Variants in MTUS2 observed in about 807,000 individuals in gnomAD.
MTUS2 encodes microtubule associated scaffold protein 2, also known as microtubule-associated tumor suppressor candidate 2.
In MTUS2, 40 loss-of-function variants were observed where a neutral mutation model predicts 114.1. The ratio of observed to expected loss-of-function variants is 0.35; its 90% CI spans 0.27 to 0.46. The LOEUF is 0.46. MTUS2 is among the 20% of genes least tolerant of loss of function. The pLI is 1.00. For missense variants in MTUS2, 1,679 were observed against 1,705.4 expected (o/e 0.98, Z 0.27); for synonymous variants, 688 against 672.0 (o/e 1.02, Z -0.37).
chr13:28,827,694 T>G (rs1320429422), intron 1 of MTUS2, among the ~76,000 whole-genome samples: 1 of 152,006 alleles, frequency 6.6e-6, no homozygotes, highest in Non-Finnish European at 1.5e-5. Flanking sequence ...AGAGAGAAAT[T>G]TTAGAGCTGG....
intron 1 of MTUS2, among the ~76,000 whole-genome samples, chr13:28,838,624 G>A (rs1008217393): frequency 6.6e-6 from 1 of 152,072 alleles, no homozygotes; most frequent in African/African-American, 2.4e-5. Context: ...GCTTGCTCTT[G>A]CCTGCTTTCC....
At chr13:29,032,261 T>G (rs923927142) in intron 3 of MTUS2, among the ~76,000 whole-genome samples, 6 of 152,226 alleles carry the variant, frequency 3.9e-5, no homozygotes, top group Non-Finnish European at 7.3e-5. Context: ...TTGAAGTTAC[T>G]GAAATCCTTA....
intron 2 of MTUS2, among the ~76,000 whole-genome samples, chr13:28,957,117 G>C (rs1278948646): frequency 2.6e-5 from 4 of 152,214 alleles, no homozygotes; most frequent in Non-Finnish European, 4.4e-5. Context: ...TGTACAAAGA[G>C]CTCTGGACGT....
chr13:29,480,430 G>C lies in MTUS2; in HGVS notation c.3399+66G>C, dbSNP rs889780604. The C allele has an allele frequency of 9.7e-6, 14 of 1,438,572 alleles. No individual in the cohort carries two copies. The East Asian group carries it at 3.5e-4, about 36-fold the overall frequency. 89.1% of individuals were successfully genotyped at this position (1,438,572 alleles called of 1,614,324 possible). On this transcript the variant is annotated intron_variant, in intron 10 of 15. Transcript: ENST00000612955. The surrounding 1 kb of genome is among the most constrained non-coding windows in gnomAD (Gnocchi z 4.4). ...GCAGGTGGCGGGCGGCGGGGATCCAGTGCCACATTAGCAAGAAGTCCTATT... is the reference window on the plus strand; with the variant it reads ...GCAGGTGGCGGGCGGCGGGGATCCACTGCCACATTAGCAAGAAGTCCTATT...
intron 5 of MTUS2, among the ~76,000 whole-genome samples, chr13:29,250,721 G>A (rs551202771): frequency 9.9e-5 from 15 of 152,182 alleles, no homozygotes; most frequent in Non-Finnish European, 1.3e-4. Flanking sequence ...ATAGCGATTA[G>A]TGTTGTCACA....
intron 1 of MTUS2, among the ~76,000 whole-genome samples, chr13:28,828,410 A>T (rs1419907283): frequency 6.6e-6 from 1 of 152,232 alleles, no homozygotes; most frequent in Non-Finnish European, 1.5e-5. Context: ...AGATGACAGG[A>T]TTAAGCAATT....
Position 29,014,945 on chromosome 13 carries a change from C to T in MTUS2, c.-242-9512C>T, listed in dbSNP as rs187926994. Among the ~76,000 whole-genome samples the T allele has an allele frequency of 6.6e-5, 10 of 152,344 alleles. No individual in the cohort carries two copies. The East Asian group carries it at 1.2e-3, about 18-fold the overall frequency. Reference sequence around the variant, plus strand: ...ATGCATTCTGCATGGACTCTTCTTCCTCCATAGAAAGGAACAAACCACTGA... The same window carrying T: ...ATGCATTCTGCATGGACTCTTCTTCTTCCATAGAAAGGAACAAACCACTGA... On this transcript the variant is annotated intron_variant, in intron 2 of 15. Coordinates refer to ENST00000612955, the MANE Select transcript of MTUS2 (RefSeq NM_001033602.4).
chr13:29,338,404 T>C (rs7328036), intron 7 of MTUS2, among the ~76,000 whole-genome samples: 40,952 of 150,452 alleles, frequency 0.27, 6,127 homozygotes, highest in African/African-American at 0.41. Flanking sequence ...CTGGGCAACA[T>C]GGTGAAACCC....
At chr13:29,225,453 C>A (rs1896070489) in intron 5 of MTUS2, among the ~76,000 whole-genome samples, 1 of 152,178 alleles carries the variant, frequency 6.6e-6, no homozygotes, top group African/African-American at 2.4e-5. Context: ...CATTTCAACC[C>A]CCTGCTTCTG....
At chr13:29,338,088 G>A (rs1030887695) in intron 7 of MTUS2, among the ~76,000 whole-genome samples, 3 of 151,738 alleles carry the variant, frequency 2.0e-5, no homozygotes, top group African/African-American at 7.3e-5. Context: ...CACTGTGCCT[G>A]GCCATGACCG....
intron 1 of MTUS2, among the ~76,000 whole-genome samples, chr13:28,830,662 A>G (rs1874605967): frequency 6.6e-6 from 1 of 152,168 alleles, no homozygotes; most frequent in Non-Finnish European, 1.5e-5. Context: ...TTTATGGGAC[A>G]CCATTATGAA....
chr13:29,431,415 C>T (rs190892670), intron 8 of MTUS2, among the ~76,000 whole-genome samples: 34 of 152,202 alleles, frequency 2.2e-4, no homozygotes, highest in African/African-American at 7.5e-4. Context: ...TGTAGTTTAC[C>T]GATAATTGGT....
At chr13:29,155,009 T>C (rs1892800813) in intron 5 of MTUS2, among the ~76,000 whole-genome samples, 1 of 152,242 alleles carries the variant, frequency 6.6e-6, no homozygotes, top group Admixed American at 6.5e-5. Context: ...TGGAGCCTAA[T>C]GCCATGAGAG....
chr13:28,881,758 A>G (rs1233997427), intron 2 of MTUS2, among the ~76,000 whole-genome samples: 1 of 152,108 alleles, frequency 6.6e-6, no homozygotes, highest in Non-Finnish European at 1.5e-5. Flanking sequence ...ATGTTTGTTT[A>G]CCACTTGTAT....
chr13:29,492,622 G>A (rs2138983773), intron 11 of MTUS2, 24 bp from the exon 12 acceptor site: 11 of 1,593,868 alleles, frequency 6.9e-6, no homozygotes, highest in Non-Finnish European at 9.5e-6. Flanking sequence ...AGACCAACTT[G>A]ACAATTTAAT....
chr13:29,467,836 C>T (rs1235873134), intron 9 of MTUS2, among the ~76,000 whole-genome samples: 5 of 152,168 alleles, frequency 3.3e-5, no homozygotes, highest in Admixed American at 6.5e-5. Context: ...AAAATGCGGC[C>T]AGGCGCAGTG....
intron 7 of MTUS2, among the ~76,000 whole-genome samples, chr13:29,350,197 T>A (rs1869106069): frequency 6.6e-6 from 1 of 152,060 alleles, no homozygotes; most frequent in Non-Finnish European, 1.5e-5. Context: ...AGAAGTGGCT[T>A]AACTTGAATT....
intron 8 of MTUS2, among the ~76,000 whole-genome samples, chr13:29,415,029 G>C (rs1171570788): frequency 6.6e-6 from 1 of 150,574 alleles, no homozygotes; most frequent in Non-Finnish European, 1.5e-5. Context: ...TTTAATTTCA[G>C]TTTGCATTTT....
chr13:28,946,309 G>GCA (rs1390526069), intron 2 of MTUS2, among the ~76,000 whole-genome samples: 11 of 146,346 alleles, frequency 7.5e-5, no homozygotes, highest in East Asian at 4.0e-4. Flanking sequence ...GTGTGTGCGC[G>GCA]CGCACATACC....
Sources: gnomAD v4.1 joint callset for allele counts (sites outside exome capture counted in the v4.1 genomes callset) on GRCh38, gnomAD v4.1.1 for gene constraint, Gnocchi (gnomAD v3.1) non-coding constraint, MANE v1.5 for transcripts, NCBI Gene and HGNC (gene_info 2026-07-23, HGNC 2026-07-21) for gene names.